Variants in SLC22A3 observed in about 807,000 individuals in gnomAD.
SLC22A3 encodes the protein EMT organic cation transporter 3.
A neutral mutation model predicts 59.1 loss-of-function variants in SLC22A3; 51 were observed. The observed-to-expected ratio is 0.86, with a 90% confidence interval of 0.69 to 1.09. The LOEUF (loss-of-function observed/expected upper bound fraction) is 1.09, where lower values mean the gene tolerates loss of function less well. Ranked by LOEUF, SLC22A3 falls within the 50% of genes least tolerant of loss-of-function variation. The pLI is 0.00. For synonymous variants in SLC22A3, 325 were observed against 292.0 expected, an observed-to-expected ratio of 1.11 and a Z score of -1.15; for missense variants, 711 against 726.3, an observed-to-expected ratio of 0.98 and a Z score of 0.24.
intron 5 of SLC22A3, among the ~76,000 whole-genome samples, chr6:160,434,491 A>T (rs1788266521): frequency 6.6e-6 from 1 of 152,240 alleles, no homozygotes; most frequent in Non-Finnish European, 1.5e-5. Context: ...GATTAACAGA[A>T]GTACTAACTT....
chr6:160,436,853 G>T lies in SLC22A3; in HGVS notation c.1049G>T (p.Cys350Phe). The change falls in exon 6 of 11, where the codon TGC becomes TTC. Residue 350 changes from cysteine (C) to phenylalanine (F), a missense_variant. Coordinates refer to ENST00000275300, the MANE Select transcript of SLC22A3 (RefSeq NM_021977.4). ...DLVRTPQMRK[C>F]TLILMFAWFT... Reference sequence around the variant, plus strand: ...GTGAGAACTCCCCAAATGAGGAAATGCACACTTATTCTTATGTTTGCTTGG... The same window carrying T: ...GTGAGAACTCCCCAAATGAGGAAATTCACACTTATTCTTATGTTTGCTTGG... 6.2e-7 allele frequency: 1 copy of T among 1,613,830 alleles called. No homozygotes were observed. The highest frequency in any genetic ancestry group is 8.5e-7 in the Non-Finnish European group (1 of 1,179,830).
intron 1 of SLC22A3, among the ~76,000 whole-genome samples, chr6:160,366,545 A>G (rs929215463): frequency 6.6e-6 from 1 of 152,220 alleles, no homozygotes; most frequent in Non-Finnish European, 1.5e-5. Flanking sequence ...TCTGGAGGAC[A>G]GTGGCCCTCT....
Position 160,410,862 on chromosome 6 carries a change from A to G in SLC22A3, c.975+16A>G. 1 of 1,451,466 alleles carries G rather than the reference A, an allele frequency of 6.9e-7. No homozygotes were observed. The highest frequency in any genetic ancestry group is 9.7e-7 in the Non-Finnish European group (1 of 1,033,902). 89.9% of individuals were successfully genotyped at this position (1,451,466 alleles called of 1,614,324 possible). On this transcript the variant is annotated intron_variant, in intron 5 of 10. Transcript: ENST00000275300. ...TTACTCAGAGGTAATTTCTTTCAGT[A>G]TGAGTAACAAATATTGCTAAAGCTG...
intron 1 of SLC22A3, among the ~76,000 whole-genome samples, chr6:160,388,283 T>G (rs1466697458): frequency 1.3e-5 from 2 of 152,194 alleles, no homozygotes; most frequent in East Asian, 3.8e-4. Flanking sequence ...GCAATACATG[T>G]CAGAGTGTAC....
At chr6:160,403,660 A>G (rs1786881904) in intron 2 of SLC22A3, among the ~76,000 whole-genome samples, 2 of 146,670 alleles carry the variant, frequency 1.4e-5, no homozygotes, top group South Asian at 4.3e-4. Flanking sequence ...ATTTGCAAGT[A>G]GAATCCAATA....
intron 1 of SLC22A3, among the ~76,000 whole-genome samples, chr6:160,375,893 A>G (rs1785571398): frequency 6.6e-6 from 1 of 152,138 alleles, no homozygotes; most frequent in African/African-American, 2.4e-5. Flanking sequence ...CCTGCTAACT[A>G]GCTTGGAACC....
At chr6:160,376,139 A>C (rs554531368) in intron 1 of SLC22A3, among the ~76,000 whole-genome samples, 7 of 152,356 alleles carry the variant, frequency 4.6e-5, no homozygotes, top group African/African-American at 1.4e-4. Context: ...TGGTACATAT[A>C]TACCATAGAA....
chr6:160,355,688 C>T (rs545122284), intron 1 of SLC22A3, among the ~76,000 whole-genome samples: 10 of 152,110 alleles, frequency 6.6e-5, no homozygotes, highest in East Asian at 1.9e-4. Flanking sequence ...AGGAGAATGG[C>T]GTGAACCCGG....
intron 5 of SLC22A3, chr6:160,426,428 A>C: frequency 1.1e-6 from 1 of 894,528 alleles, no homozygotes; most frequent in Non-Finnish European, 1.3e-6. Context: ...CTCATGTCCT[A>C]CTTGATTTTC....
chr6:160,365,298 C>A (rs1186504363), intron 1 of SLC22A3, among the ~76,000 whole-genome samples: 2 of 152,092 alleles, frequency 1.3e-5, no homozygotes, highest in Non-Finnish European at 2.9e-5. Flanking sequence ...TGTGACTCAC[C>A]CAAGTTAAGA....
chr6:160,414,470 A>C (rs561100730), intron 5 of SLC22A3, among the ~76,000 whole-genome samples: 1 of 152,248 alleles, frequency 6.6e-6, no homozygotes, highest in South Asian at 2.1e-4. Flanking sequence ...TTATTTAAAC[A>C]TAGTTTATAT....
At chr6:160,436,976 T>C in intron 6 of SLC22A3, 21 bp from the exon 7 acceptor site, 1 of 1,613,948 alleles carries the variant, frequency 6.2e-7, no homozygotes, top group Non-Finnish European at 8.5e-7. Context: ...TGTTCTCTGG[T>C]GTCTTTCAAT....
chr6:160,382,777 A>G (rs1229778888), intron 1 of SLC22A3, among the ~76,000 whole-genome samples: 2 of 152,190 alleles, frequency 1.3e-5, no homozygotes, highest in East Asian at 1.9e-4. Flanking sequence ...ATGCTCAACC[A>G]AAGGGCATTA....
At chr6:160,392,178 C>T (rs1287190378) in intron 1 of SLC22A3, among the ~76,000 whole-genome samples, 1 of 152,114 alleles carries the variant, frequency 6.6e-6, no homozygotes, top group African/African-American at 2.4e-5. Flanking sequence ...GTGTACTTCC[C>T]AGTCATGTGC....
rs112704859 is a variant in SLC22A3, at chr6:160,377,746, CA to C, written c.430-20229del. Among the ~76,000 whole-genome samples the C allele has an allele frequency of 6.2e-3, 950 of 152,226 alleles. 11 individuals carry two copies. Among genetic ancestry groups the C allele is most frequent in the Middle Eastern group, 0.037 (11 of 294 alleles). On this transcript the variant is annotated intron_variant, in intron 1 of 10. Coordinates refer to ENST00000275300, the MANE Select transcript of SLC22A3 (RefSeq NM_021977.4). ...TCTCAAACACAATCCACCAAAAGAA[CA>C]AAACACAAAGTAAAAGTGGATGCAA...
intron 1 of SLC22A3, among the ~76,000 whole-genome samples, chr6:160,362,996 C>T (rs1785071604): frequency 6.6e-6 from 1 of 152,254 alleles, no homozygotes; most frequent in Non-Finnish European, 1.5e-5. Flanking sequence ...TGAGTGCAGG[C>T]AGCCCCGGAG....
At chr6:160,368,159 C>G (rs1785273102) in intron 1 of SLC22A3, among the ~76,000 whole-genome samples, 2 of 152,126 alleles carry the variant, frequency 1.3e-5, no homozygotes, top group Non-Finnish European at 2.9e-5. Flanking sequence ...CATACCCTCT[C>G]CCCCTACTCT....
At chr6:160,426,477 A>G in intron 5 of SLC22A3, 1 of 457,878 alleles carries the variant, frequency 2.2e-6, no homozygotes, top group South Asian at 9.3e-5. Context: ...TTCCCTCGGC[A>G]GGTTCCCACT....
intron 5 of SLC22A3, among the ~76,000 whole-genome samples, chr6:160,432,890 A>T (rs1364901181): frequency 6.6e-6 from 1 of 152,182 alleles, no homozygotes; most frequent in Non-Finnish European, 1.5e-5. Context: ...CTCCTTGGGT[A>T]AGGTACATAG....
Sources: gnomAD v4.1 joint callset for allele counts (sites outside exome capture counted in the v4.1 genomes callset) on GRCh38, gnomAD v4.1.1 for gene constraint, MANE v1.5 for transcripts, NCBI Gene and HGNC (gene_info 2026-07-23, HGNC 2026-07-21) for gene names.